The following PABPC4L variants were observed in gnomAD, a reference collection of about 807,000 sequenced individuals.
The protein encoded by PABPC4L is poly(A) binding protein cytoplasmic 4 like.
For synonymous variants in PABPC4L, 169 were observed against 164.1 expected, an observed-to-expected ratio of 1.03 and a Z score of -0.23; for missense variants, 452 against 451.4, an observed-to-expected ratio of 1.00 and a Z score of -0.01.
the PABPC4L span, among the ~76,000 whole-genome samples, chr4:133,949,901 C>T: frequency 1.3e-5 from 2 of 152,066 alleles, no homozygotes; most frequent in Non-Finnish European, 2.9e-5. Context: ...TGCCTAAATA[C>T]GGGAGTCCAT....
the PABPC4L span, among the ~76,000 whole-genome samples, chr4:134,027,731 T>G: frequency 6.6e-6 from 1 of 152,172 alleles, no homozygotes; most frequent in Admixed American, 6.6e-5. Context: ...TATTTCACAT[T>G]GGATCATAAA....
the PABPC4L span, among the ~76,000 whole-genome samples, chr4:134,030,435 A>G: frequency 7.9e-5 from 12 of 151,920 alleles, no homozygotes; most frequent in African/African-American, 2.9e-4. Context: ...TCAGTTTGTG[A>G]CCCATTTTAA....
chr4:134,039,576 T>C, the PABPC4L span, among the ~76,000 whole-genome samples: 19 of 152,294 alleles, frequency 1.2e-4, no homozygotes, highest in African/African-American at 4.6e-4. Flanking sequence ...CATTATAGAA[T>C]GCCCTTCTTT....
the PABPC4L span, among the ~76,000 whole-genome samples, chr4:134,120,503 C>T: frequency 6.7e-6 from 1 of 150,054 alleles, no homozygotes; most frequent in African/African-American, 2.4e-5. Flanking sequence ...TCCAAGATCC[C>T]CTTATTTATG....
the PABPC4L span, among the ~76,000 whole-genome samples, chr4:134,013,005 G>A: frequency 8.5e-5 from 13 of 152,076 alleles, no homozygotes; most frequent in Non-Finnish European, 1.9e-4. Context: ...ACACCTCTCT[G>A]ATTATTCACC....
At chr4:134,099,754 T>C in the PABPC4L span, among the ~76,000 whole-genome samples, 1 of 151,462 alleles carries the variant, frequency 6.6e-6, no homozygotes, top group African/African-American at 2.4e-5. Flanking sequence ...CTCACAAAAA[T>C]GCTATTTGAT....
the PABPC4L span, among the ~76,000 whole-genome samples, chr4:134,118,983 A>C: frequency 6.6e-6 from 1 of 151,782 alleles, no homozygotes; most frequent in South Asian, 2.1e-4. Context: ...AAATAGTTTA[A>C]ATTCCTCACA....
At chr4:134,174,187 T>A in the PABPC4L span, among the ~76,000 whole-genome samples, 1 of 152,008 alleles carries the variant, frequency 6.6e-6, no homozygotes, top group African/African-American at 2.4e-5. Flanking sequence ...CCATATCTCA[T>A]CTCATATCTC....
chr4:134,037,995 T>A, the PABPC4L span, among the ~76,000 whole-genome samples: 1 of 152,120 alleles, frequency 6.6e-6, no homozygotes, highest in Admixed American at 6.6e-5. Context: ...GAGATACGTT[T>A]CATCAATACT....
chr4:133,972,805 C>A, the PABPC4L span, among the ~76,000 whole-genome samples: 1 of 152,120 alleles, frequency 6.6e-6, no homozygotes, highest in Admixed American at 6.6e-5. Flanking sequence ...TAAATATGCA[C>A]TGGGGTAAAG....
the PABPC4L span, among the ~76,000 whole-genome samples, chr4:134,046,066 G>T: frequency 1.3e-5 from 2 of 152,106 alleles, no homozygotes; most frequent in Non-Finnish European, 2.9e-5. Flanking sequence ...ATAAGACACA[G>T]AGACAAAGTA....
downstream of PABPC4L, among the ~76,000 whole-genome samples, chr4:134,194,955 C>A (rs902671699): frequency 2.6e-5 from 4 of 151,634 alleles, no homozygotes; most frequent in Admixed American, 1.3e-4. Context: ...ATCAAATAGG[C>A]ATTTACCAAT....
chr4:134,071,969 ACAAATGGG>A, the PABPC4L span, among the ~76,000 whole-genome samples: 4 of 152,158 alleles, frequency 2.6e-5, no homozygotes, highest in Non-Finnish European at 5.9e-5. Context: ...TGTTGAATGG[ACAAATGGG>A]TGTGAGAATT....
the PABPC4L span, among the ~76,000 whole-genome samples, chr4:134,032,146 T>C: frequency 6.6e-6 from 1 of 151,846 alleles, no homozygotes; most frequent in East Asian, 1.9e-4. Flanking sequence ...ATGTTGATAA[T>C]GCTTTGACAC....
chr4:134,018,024 C>T, the PABPC4L span, among the ~76,000 whole-genome samples: 3 of 151,026 alleles, frequency 2.0e-5, no homozygotes, highest in Non-Finnish European at 4.4e-5. Flanking sequence ...GTGACCTGCA[C>T]GTACACATCC....
the PABPC4L span, among the ~76,000 whole-genome samples, chr4:134,138,747 T>C: frequency 6.6e-6 from 1 of 151,884 alleles, no homozygotes; most frequent in Non-Finnish European, 1.5e-5. Context: ...GTATATTCAA[T>C]AATATGTGTC....
the PABPC4L span, among the ~76,000 whole-genome samples, chr4:134,165,692 G>A: frequency 6.6e-6 from 1 of 152,138 alleles, no homozygotes; most frequent in African/African-American, 2.4e-5. Context: ...TGGTAAGAAT[G>A]TAAATTAGTA....
chr4:134,173,032 C>T, the PABPC4L span, among the ~76,000 whole-genome samples: 107,202 of 151,246 alleles, frequency 0.71, 39,546 homozygotes, highest in East Asian at 1. Flanking sequence ...CCAGTTAAAA[C>T]AGCTTTTATC....
At chr4:133,970,971 G>A in the PABPC4L span, among the ~76,000 whole-genome samples, 1 of 151,920 alleles carries the variant, frequency 6.6e-6, no homozygotes, top group Non-Finnish European at 1.5e-5. Flanking sequence ...ATGATATTTT[G>A]TTATAGTAGC....
Sources: allele counts gnomAD v4.1 joint callset (sites outside exome capture counted in the v4.1 genomes callset), GRCh38; gene constraint gnomAD v4.1.1; transcripts MANE v1.5; gene names NCBI Gene and HGNC (gene_info 2026-07-23, HGNC 2026-07-21).